The following ZCCHC14 variants were observed in gnomAD, a reference collection of about 807,000 sequenced individuals.
ZCCHC14 encodes the protein zinc finger CCHC domain-containing protein 14.
In ZCCHC14, 16 loss-of-function variants were observed where a neutral mutation model predicts 85.0. That is an observed-to-expected ratio of 0.19 (90% CI 0.13 to 0.29). The LOEUF is 0.29. ZCCHC14 is among the 10% of genes least tolerant of loss of function. The pLI is 1.00. For missense variants in ZCCHC14, 1,303 were observed against 1,443.5 expected, an observed-to-expected ratio of 0.90 and a Z score of 1.58; for synonymous variants, 775 against 630.7, an observed-to-expected ratio of 1.23 and a Z score of -3.43.
At chr16:87,469,487 G>C (rs903631761) in intron 1 of ZCCHC14, among the ~76,000 whole-genome samples, 3 of 152,240 alleles carry the variant, frequency 2.0e-5, no homozygotes, top group Admixed American at 6.5e-5. Context: ...GTCAGGAGCC[G>C]TCTCGGCGGC....
intron 2 of ZCCHC14, among the ~76,000 whole-genome samples, chr16:87,441,004 G>GT (rs111515378): frequency 6.1e-3 from 828 of 135,106 alleles, no homozygotes; most frequent in Middle Eastern, 0.013. Context: ...TTCCCATAAA[G>GT]TTTTTTTTTT....
chr16:87,422,909 G>C (rs982237590), intron 4 of ZCCHC14, among the ~76,000 whole-genome samples: 1 of 152,156 alleles, frequency 6.6e-6, no homozygotes, highest in African/African-American at 2.4e-5. Context: ...GATTCCCGGG[G>C]GGGGGTGTGT....
At chr16:87,411,304 A>G in intron 12 of ZCCHC14, 1 of 1,413,800 alleles carries the variant, frequency 7.1e-7, no homozygotes. Context: ...CTAGAACCAG[A>G]GGCTGTCTGA....
chr16:87,462,657 G>A (rs1177396643), intron 1 of ZCCHC14, among the ~76,000 whole-genome samples: 4 of 151,918 alleles, frequency 2.6e-5, no homozygotes, highest in African/African-American at 9.7e-5. Flanking sequence ...GGAGAATGGT[G>A]TGAACCCGGA....
chr16:87,440,988 C>T (rs1394134614), intron 2 of ZCCHC14, among the ~76,000 whole-genome samples: 3 of 151,328 alleles, frequency 2.0e-5, no homozygotes, highest in African/African-American at 7.3e-5. Context: ...TATACATATG[C>T]GACTGTTCCC....
chr16:87,412,727 G>T lies in ZCCHC14; in HGVS notation c.1994C>A (p.Ser665Tyr), dbSNP rs1367007985. 2 of 1,614,228 alleles carry T rather than the reference G, an allele frequency of 1.2e-6. No homozygotes were observed. The highest frequency in any genetic ancestry group is 3.3e-5 in the Admixed American group (2 of 60,030). ...TAGAGACAAAAGTGAGTGCACAGAA[G>T]ACGAGAGGAGCTTCATGTCCGCGCT... ...RGSADMKLLS[S>Y]SVHSLLSLEE... is the part of the protein sequence containing the mutation. The change falls in exon 12 of 13, where the codon TCT becomes TAT. Residue 665 changes from serine to tyrosine, a missense_variant. By Grantham distance (144) the Ser-to-Tyr change is moderately radical. This residue lies in a region of ZCCHC14 where 797 missense variants were observed against 730.8 expected (regional missense o/e 1.09). Coordinates refer to ENST00000671377, the MANE Select transcript of ZCCHC14 (RefSeq NM_015144.3).
rs928440669 is a variant in ZCCHC14 at position 87,417,767 on chromosome 16, A to C, written c.1101-25T>G. The C allele has an allele frequency of 4.5e-6, 7 of 1,543,786 alleles. No individual in the cohort carries two copies. In the African/African-American group the frequency reaches 8.2e-5, roughly 18 times the overall value. ...CCTGTGGGACAGGGGCAGGAGGGAC[A>C]CAGAGAGACTGTGGCTTCCACAACC... is the stretch of plus-strand genomic sequence containing the variant. On this transcript the variant is annotated intron_variant, in intron 7 of 12. Coordinates refer to ENST00000671377, the MANE Select transcript of ZCCHC14 (RefSeq NM_015144.3).
Position 87,413,132 on chromosome 16 carries a change from T to C in ZCCHC14, c.1667A>G (p.Tyr556Cys). 1 of 1,612,240 alleles carries C rather than the reference T, an allele frequency of 6.2e-7. No homozygotes were observed. Among genetic ancestry groups the C allele is most frequent in the Non-Finnish European group, 8.5e-7 (1 of 1,179,222 alleles). ...QLPREGSSSE[Y>C]SSSSSSPMGV... Reference sequence around the variant, plus strand: ...CATGGGGCTGGAGGAGGAGCTGGAGTACTCCGAGGAACTGCCTTCCCGGGG... The same window carrying C: ...CATGGGGCTGGAGGAGGAGCTGGAGCACTCCGAGGAACTGCCTTCCCGGGG... The change falls in exon 11 of 13, where the codon TAC (tyrosine) becomes TGC (cysteine). Residue 556 changes from tyrosine to cysteine, a missense_variant. This residue lies in a region of ZCCHC14 where 797 missense variants were observed against 730.8 expected (regional missense o/e 1.09). Coordinates refer to ENST00000671377, the MANE Select transcript of ZCCHC14 (RefSeq NM_015144.3).
intron 1 of ZCCHC14, among the ~76,000 whole-genome samples, chr16:87,469,531 C>T (rs1025666452): frequency 6.6e-6 from 1 of 152,232 alleles, no homozygotes; most frequent in Admixed American, 6.5e-5. Context: ...GCCCCTGTTT[C>T]GTCCACTATG....
At chr16:87,485,754 T>G (rs1260921879) in intron 1 of ZCCHC14, among the ~76,000 whole-genome samples, 1 of 152,196 alleles carries the variant, frequency 6.6e-6, no homozygotes, top group African/African-American at 2.4e-5. Context: ...CCTCTTACTA[T>G]TCTATTCTAC....
At chr16:87,458,533 G>A (rs895697045) in intron 2 of ZCCHC14, among the ~76,000 whole-genome samples, 12 of 152,282 alleles carry the variant, frequency 7.9e-5, no homozygotes, top group South Asian at 4.1e-4. Context: ...ATACCATACC[G>A]TGCTCATTAC....
chr16:87,490,262 C>G (rs1309634470), intron 1 of ZCCHC14, among the ~76,000 whole-genome samples: 1 of 152,160 alleles, frequency 6.6e-6, no homozygotes, highest in Non-Finnish European at 1.5e-5. Context: ...CATAAAAAAC[C>G]TAGCAAACCA....
At chr16:87,468,042 GT>G (rs1386253308) in intron 1 of ZCCHC14, among the ~76,000 whole-genome samples, 1 of 152,156 alleles carries the variant, frequency 6.6e-6, no homozygotes, top group Admixed American at 6.5e-5. Flanking sequence ...TGGCCCAACG[GT>G]TTTTTCTAAT....
chr16:87,477,305 GT>G (rs1255964720), intron 1 of ZCCHC14, among the ~76,000 whole-genome samples: 8 of 152,194 alleles, frequency 5.3e-5, no homozygotes, highest in Non-Finnish European at 1.0e-4. Flanking sequence ...TACACACTCT[GT>G]GCTGAATGAA....
intron 1 of ZCCHC14, among the ~76,000 whole-genome samples, chr16:87,474,612 C>T (rs1160998970): frequency 6.6e-6 from 1 of 152,174 alleles, no homozygotes; most frequent in African/African-American, 2.4e-5. Flanking sequence ...CCAGAGCGAG[C>T]TGAGCACTGC....
At position 87,424,116 on chromosome 16, in the gene ZCCHC14, T is replaced by C. The variant is rs796335962; in HGVS notation, c.769-235A>G. ...ATGCAATTATTCAGATATCACCAAA[T>C]TACTCCAGAGTGGGGTCTACAGCTG... is the stretch of plus-strand genomic sequence containing the variant. On this transcript the variant is annotated intron_variant, in intron 3 of 12. Coordinates refer to ENST00000671377, the MANE Select transcript of ZCCHC14 (RefSeq NM_015144.3). Among the ~76,000 whole-genome samples, 64 of 152,284 alleles carry C rather than the reference T, an allele frequency of 4.2e-4. 2 individuals carry two copies. The highest frequency in any genetic ancestry group is 1.5e-3 in the African/African-American group (61 of 41,568).
In ZCCHC14 at chr16:87,492,081, C is replaced by G; in HGVS notation, c.158G>C (p.Arg53Pro). The stretch of plus-strand genomic sequence containing the variant: ...GTCGCGCAGCGAGTGGTAGTCCTTG[C>G]GGGCCAGGTCCTCCAGGCACGAGCC... ...FLGSCLEDLA[R>P]KDYHSLRDSE... Residue 53 changes from arginine (R) to proline (P), a missense_variant, in exon 1 of 13, where the codon CGC becomes CCC. Coordinates refer to ENST00000671377, the MANE Select transcript of ZCCHC14 (RefSeq NM_015144.3). This position sits in a 1 kb window ranked among gnomAD's most constrained non-coding sequence, Gnocchi z 6.7. The G allele has an allele frequency of 7.2e-7, 1 of 1,392,692 alleles. No individual in the cohort carries two copies. Among genetic ancestry groups the G allele is most frequent in the Non-Finnish European group, 9.3e-7 (1 of 1,080,838 alleles). The allele number at this position is 1,392,692 out of a possible 1,614,324, so 86.3% of individuals were successfully genotyped here.
At chr16:87,449,270 C>G (rs138767120) in intron 2 of ZCCHC14, among the ~76,000 whole-genome samples, 3,327 of 152,332 alleles carry the variant, frequency 0.022, 74 homozygotes, top group Middle Eastern at 0.034. Flanking sequence ...TACATCCTTT[C>G]TCTAGAACAA....
intron 1 of ZCCHC14, among the ~76,000 whole-genome samples, chr16:87,480,356 T>C (rs991336726): frequency 7.2e-5 from 11 of 151,988 alleles, no homozygotes; most frequent in Non-Finnish European, 1.2e-4. Flanking sequence ...TGAGCCGAGA[T>C]TGCGCCACTG....
Sources: allele counts gnomAD v4.1 joint callset (sites outside exome capture counted in the v4.1 genomes callset), GRCh38; gene constraint gnomAD v4.1.1; regional missense constraint gnomAD v4.1.1; non-coding constraint Gnocchi (gnomAD v3.1); transcripts MANE v1.5; gene names NCBI Gene and HGNC (gene_info 2026-07-23, HGNC 2026-07-21).